PCDH9: variants seen among roughly 807,000 people sequenced by gnomAD.
PCDH9 encodes protocadherin 9.
In PCDH9, 24 loss-of-function variants were observed where a neutral mutation model predicts 70.6. The observed-to-expected ratio is 0.34, with a 90% CI of 0.25 to 0.48. The LOEUF (loss-of-function observed/expected upper bound fraction) is 0.48. Among genes scored for constraint, PCDH9 ranks in the 20% least tolerant of loss-of-function variants. PCDH9 has a pLI of 0.99. For synonymous variants in PCDH9, 562 were observed against 558.5 expected, an observed-to-expected ratio of 1.01 and a Z score of -0.09; for missense variants, 1,281 against 1,503.6, an observed-to-expected ratio of 0.85 and a Z score of 2.45.
intron 2 of PCDH9, among the ~76,000 whole-genome samples, chr13:67,087,687 C>A (rs997578071): frequency 2.0e-5 from 3 of 152,012 alleles, no homozygotes; most frequent in Admixed American, 2.0e-4. Flanking sequence ...ACAACACAGG[C>A]CAATGTGTTT....
intron 4 of PCDH9, among the ~76,000 whole-genome samples, chr13:66,527,333 A>G (rs977625753): frequency 1.5e-4 from 23 of 152,048 alleles, no homozygotes; most frequent in African/African-American, 5.6e-4. Context: ...AAATTAAAAG[A>G]TAGAAGTATC....
intron 4 of PCDH9, among the ~76,000 whole-genome samples, chr13:66,464,375 C>T (rs1439541365): frequency 1.3e-5 from 2 of 151,802 alleles, no homozygotes; most frequent in African/African-American, 4.8e-5. Flanking sequence ...GACTATTTTA[C>T]CCATTAGTAA....
At chr13:66,366,990 C>T (rs926805005) in intron 4 of PCDH9, among the ~76,000 whole-genome samples, 1 of 152,068 alleles carries the variant, frequency 6.6e-6, no homozygotes, top group South Asian at 2.1e-4. Context: ...AGAATCAACA[C>T]TAATCATCTT....
chr13:67,159,465 TTGAAA>T (rs2087898541), intron 2 of PCDH9, among the ~76,000 whole-genome samples: 1 of 152,210 alleles, frequency 6.6e-6, no homozygotes, highest in Admixed American at 6.5e-5. Flanking sequence ...ACAACCCATC[TTGAAA>T]TGGAATGGAA....
chr13:67,049,502 C>T (rs1055860473), intron 2 of PCDH9, among the ~76,000 whole-genome samples: 7 of 152,132 alleles, frequency 4.6e-5, no homozygotes, highest in East Asian at 3.9e-4. Context: ...TTATAGTTCT[C>T]GCCTCATTGT....
chr13:66,458,065 G>T (rs1194834105), intron 4 of PCDH9, among the ~76,000 whole-genome samples: 1 of 151,912 alleles, frequency 6.6e-6, no homozygotes, highest in Non-Finnish European at 1.5e-5. Context: ...CTAACAAACC[G>T]TTACATGCAG....
At chr13:67,113,549 A>C (rs1012034807) in intron 2 of PCDH9, among the ~76,000 whole-genome samples, 2 of 151,792 alleles carry the variant, frequency 1.3e-5, no homozygotes, top group Non-Finnish European at 2.9e-5. Flanking sequence ...TCATTGCCAA[A>C]TCATGTTTTT....
Position 66,856,635 on chromosome 13 carries a change from G to T in PCDH9, c.3138+46869C>A, listed in dbSNP as rs371676845. Among the ~76,000 whole-genome samples, 3 of 152,072 alleles carry T rather than the reference G, an allele frequency of 2.0e-5. No individual in the cohort carries two copies. In the East Asian group the frequency reaches 5.8e-4, roughly 29 times the overall value. ...TTTTTATAAGAGGTTTATCCACCCTGTCCCTTTGATTAGCACTATTGCCAG... is the reference window on the plus strand; with the variant it reads ...TTTTTATAAGAGGTTTATCCACCCTTTCCCTTTGATTAGCACTATTGCCAG... On this transcript the variant is annotated intron_variant, in intron 3 of 4. Coordinates refer to ENST00000377865, the MANE Select transcript of PCDH9 (RefSeq NM_203487.3).
At chr13:67,110,514 C>CAAAAAAAA (rs67490405) in intron 2 of PCDH9, among the ~76,000 whole-genome samples, 1 of 78,676 alleles carries the variant, frequency 1.3e-5, no homozygotes, top group Non-Finnish European at 2.4e-5. Flanking sequence ...CACTCCATCT[C>CAAAAAAAA]AAAAAAAAAA....
chr13:67,134,380 A>G lies in PCDH9; in HGVS notation c.3036+91025T>C, dbSNP rs373803226. Among the ~76,000 whole-genome samples the G allele has an allele frequency of 1.6e-4, 24 of 152,202 alleles. No individual in the cohort carries two copies. In the East Asian group the frequency reaches 3.9e-3, roughly 24 times the overall value. ...ACAGAATTAGCTGTTTTAATAATCC[A>G]GAATAAGCAGTTCTTTTTGGCACTC... On this transcript the variant is annotated intron_variant, in intron 2 of 4. Coordinates refer to ENST00000377865, the MANE Select transcript of PCDH9 (RefSeq NM_203487.3).
rs186945401 is a variant in PCDH9 at position 67,183,947 on chromosome 13, A to T, written c.3036+41458T>A. Among the ~76,000 whole-genome samples the T allele has an allele frequency of 4.3e-3, 650 of 152,338 alleles. 4 individuals are homozygous for T. Among genetic ancestry groups the T allele is most frequent in the African/African-American group, 0.015 (609 of 41,582 alleles). ...TAGGCATATTAAGATGCAGATTTGC[A>T]GTAAATTTTCAGACATATTTGCAAA... On this transcript the variant is annotated intron_variant, in intron 2 of 4. Transcript: ENST00000377865.
chr13:66,888,052 A>C (rs1594210327), intron 3 of PCDH9, among the ~76,000 whole-genome samples: 1 of 152,198 alleles, frequency 6.6e-6, no homozygotes, highest in South Asian at 2.1e-4. Context: ...GGTTTTACTG[A>C]ACTCAGCTTG....
rs892519099 is a variant in PCDH9, at chr13:67,010,292, C to A, written c.3037-106687G>T. On this transcript the variant is annotated intron_variant, in intron 2 of 4. Coordinates refer to ENST00000377865, the MANE Select transcript of PCDH9 (RefSeq NM_203487.3). ...GAACACGGATTCAAACCCCCAACTA[C>A]AGGACTCCAAAGCCTTAACTTTAAT... 8.5e-5 allele frequency among the ~76,000 whole-genome samples: 13 copies of A among 152,084 alleles called. No homozygotes were observed. The East Asian group carries it at 1.7e-3, about 20-fold the overall frequency.
At chr13:66,935,564 T>G (rs2082902727) in intron 2 of PCDH9, among the ~76,000 whole-genome samples, 1 of 152,162 alleles carries the variant, frequency 6.6e-6, no homozygotes, top group African/African-American at 2.4e-5. Context: ...TTAATTCTAG[T>G]GCAATAATGC....
intron 4 of PCDH9, among the ~76,000 whole-genome samples, chr13:66,370,744 G>A (rs1188037824): frequency 6.6e-6 from 1 of 151,764 alleles, no homozygotes; most frequent in Non-Finnish European, 1.5e-5. Flanking sequence ...AAACTCCTGG[G>A]CTCAAACAAT....
chr13:66,886,273 G>A (rs1056134765), intron 3 of PCDH9, among the ~76,000 whole-genome samples: 10 of 152,230 alleles, frequency 6.6e-5, no homozygotes, highest in Admixed American at 4.6e-4. Flanking sequence ...CTCACCCTGA[G>A]GGGTTGCAGA....
At chr13:66,962,063 AC>A (rs1452693858) in intron 2 of PCDH9, among the ~76,000 whole-genome samples, 35 of 152,228 alleles carry the variant, frequency 2.3e-4, no homozygotes, top group Non-Finnish European at 3.2e-4. Context: ...AAACAAAAAA[AC>A]AAAACAAAAA....
intron 2 of PCDH9, among the ~76,000 whole-genome samples, chr13:66,997,185 G>C (rs952760964): frequency 1.3e-5 from 2 of 152,172 alleles, no homozygotes; most frequent in Admixed American, 6.5e-5. Flanking sequence ...CTGAGGCTGG[G>C]TAATTCATAA....
chr13:66,967,966 T>C (rs2083457725), intron 2 of PCDH9, among the ~76,000 whole-genome samples: 1 of 152,030 alleles, frequency 6.6e-6, no homozygotes, highest in African/African-American at 2.4e-5. Flanking sequence ...CAGGAGATCA[T>C]TCAGCATCTG....
Sources: allele counts gnomAD v4.1 joint callset (sites outside exome capture counted in the v4.1 genomes callset), GRCh38; gene constraint gnomAD v4.1.1; transcripts MANE v1.5; gene names NCBI Gene and HGNC (gene_info 2026-07-23, HGNC 2026-07-21).